Variants in ZBTB40 observed in about 807,000 individuals in gnomAD.
ZBTB40 encodes zinc finger and BTB domain-containing protein 40.
In ZBTB40, 60 loss-of-function variants were observed where a neutral mutation model predicts 117.5. The ratio of observed to expected loss-of-function variants is 0.51; its 90% CI spans 0.41 to 0.63. The LOEUF (loss-of-function observed/expected upper bound fraction) is 0.63. Among genes scored for constraint, ZBTB40 ranks in the 30% least tolerant of loss-of-function variants. The probability of loss-of-function intolerance (pLI) is 0.00; values close to 1 mark genes in which losing one functional copy is unlikely to be tolerated. For missense variants in ZBTB40, 1,287 were observed against 1,498.5 expected (o/e 0.86, Z 2.33); for synonymous variants, 525 against 577.1 (o/e 0.91, Z 1.29).
chr1:22,494,745 C>T (rs1198485761), intron 3 of ZBTB40, among the ~76,000 whole-genome samples: 5 of 152,202 alleles, frequency 3.3e-5, no homozygotes, highest in Non-Finnish European at 5.9e-5. Context: ...ATGTGCCAGA[C>T]TGAGCCGCTT....
chr1:22,455,145 A>G (rs1035296532), intron 1 of ZBTB40, among the ~76,000 whole-genome samples: 17 of 152,198 alleles, frequency 1.1e-4, no homozygotes, highest in Non-Finnish European at 2.5e-4. Context: ...GTTGGAAACT[A>G]CTTATGTTCC....
chr1:22,501,273 C>A (rs1363811817), intron 3 of ZBTB40, among the ~76,000 whole-genome samples: 1 of 152,182 alleles, frequency 6.6e-6, no homozygotes, highest in Admixed American at 6.5e-5. Flanking sequence ...AAGGTTAGAG[C>A]ATGGAGTCGT....
chr1:22,499,843 A>G (rs1235097767), intron 3 of ZBTB40, among the ~76,000 whole-genome samples: 1 of 152,224 alleles, frequency 6.6e-6, no homozygotes, highest in East Asian at 1.9e-4. Flanking sequence ...AAAATCTTAA[A>G]CATATACTTA....
intron 13 of ZBTB40, among the ~76,000 whole-genome samples, chr1:22,519,112 G>A (rs923076697): frequency 1.3e-5 from 2 of 152,196 alleles, no homozygotes; most frequent in African/African-American, 4.8e-5. Context: ...CATGTCCACA[G>A]GGAAACTAGT....
At chr1:22,497,267 G>A (rs985853030) in intron 3 of ZBTB40, among the ~76,000 whole-genome samples, 1 of 152,156 alleles carries the variant, frequency 6.6e-6, no homozygotes, top group Middle Eastern at 3.2e-3. Context: ...AGACCTAGTA[G>A]CATTTTTTTC....
chr1:22,444,862 C>A (rs1420615781), intron 1 of ZBTB40, among the ~76,000 whole-genome samples: 1 of 152,222 alleles, frequency 6.6e-6, no homozygotes, highest in Non-Finnish European at 1.5e-5. Flanking sequence ...ACTTTACTTC[C>A]TTTCCTTCCT....
intron 3 of ZBTB40, among the ~76,000 whole-genome samples, chr1:22,493,618 G>A (rs896705229): frequency 6.6e-6 from 1 of 152,046 alleles, no homozygotes; most frequent in Admixed American, 6.6e-5. Context: ...TCTTGTCCCT[G>A]TGTACTACCC....
At chr1:22,447,842 C>T (rs935008212), upstream of ZBTB40, among the ~76,000 whole-genome samples, 5 of 152,198 alleles carry the variant, frequency 3.3e-5, no homozygotes, top group Admixed American at 1.3e-4. Flanking sequence ...TGGGCAAGAG[C>T]TGAAGACTGA....
Position 22,520,201 on chromosome 1 carries a change from A to G in ZBTB40, c.2974A>G (p.Met992Val), listed in dbSNP as rs764899007. 4 of 1,614,076 alleles carry G rather than the reference A, an allele frequency of 2.5e-6. No homozygotes were observed. The highest frequency in any genetic ancestry group is 2.2e-5 in the East Asian group (1 of 44,880). The change falls in exon 14 of 18, where the codon ATG becomes GTG. Residue 992 changes from methionine (M) to valine (V), a missense_variant. By Grantham distance (21) the Met-to-Val change is conservative (BLOSUM62 1). Transcript: ENST00000375647. Reference sequence around the variant, plus strand: ...TGGGAAGATCTTCAGTGCCCCGTCCATGCTGGAGCGGCACGTGGTGACCCA... The same window carrying G: ...TGGGAAGATCTTCAGTGCCCCGTCCGTGCTGGAGCGGCACGTGGTGACCCA... ...TCGKIFSAPS[M>V]LERHVVTHVG...
At chr1:22,435,936 G>T (rs1640664430) in intron 1 of ZBTB40, among the ~76,000 whole-genome samples, 1 of 151,898 alleles carries the variant, frequency 6.6e-6, no homozygotes. Flanking sequence ...AATTAGCCGG[G>T]CATGGTGGTG....
intron 3 of ZBTB40, among the ~76,000 whole-genome samples, chr1:22,495,948 A>C (rs1638762398): frequency 6.6e-6 from 1 of 152,104 alleles, no homozygotes; most frequent in Non-Finnish European, 1.5e-5. Flanking sequence ...GTGGGTAAAA[A>C]CAAACAAATA....
At position 22,522,472 on chromosome 1, in the gene ZBTB40, C is replaced by T; in HGVS notation, c.3298+9C>T. ...CAAGTGCCAGCATTCAGGTCAGTAC[C>T]CCTGTCAGCATACTTCTAGGCTAGA... is the stretch of plus-strand genomic sequence containing the variant. On this transcript the variant is annotated intron_variant, in intron 16 of 17. Coordinates refer to ENST00000375647, the MANE Select transcript of ZBTB40 (RefSeq NM_014870.4). 1.2e-6 allele frequency: 2 copies of T among 1,613,990 alleles called. No individual in the cohort carries two copies. The highest frequency in any genetic ancestry group is 1.7e-6 in the Non-Finnish European group (2 of 1,179,884).
At chr1:22,429,245 G>A (rs1640544864) in intron 1 of ZBTB40, among the ~76,000 whole-genome samples, 1 of 152,116 alleles carries the variant, frequency 6.6e-6, no homozygotes, top group Admixed American at 6.5e-5. Context: ...AGCCGGGCGT[G>A]GTGGCGGGCG....
At chr1:22,521,700 A>C (rs375274637) in intron 15 of ZBTB40, 42 bp downstream of exon 15, 55 of 1,613,518 alleles carry the variant, frequency 3.4e-5, no homozygotes, top group Non-Finnish European at 4.7e-5. Context: ...GAGGGGCTTG[A>C]TGGTGTAGCC....
At chr1:22,517,656 A>G (rs1421286609) in intron 13 of ZBTB40, 192 bp downstream of exon 13, 1 of 682,646 alleles carries the variant, frequency 1.5e-6, no homozygotes, top group Non-Finnish European at 2.3e-6. Flanking sequence ...ATCTCATATA[A>G]CGCTTATTTC....
At chr1:22,451,467 T>C (rs1569755750), upstream of ZBTB40, among the ~76,000 whole-genome samples, 2 of 151,758 alleles carry the variant, frequency 1.3e-5, no homozygotes, top group African/African-American at 2.4e-5. Flanking sequence ...ACATCCTGTC[T>C]CTACTAAAAA....
In ZBTB40 at chr1:22,440,667, TG is replaced by T. The variant is rs1267016704; in HGVS notation, c.-70+11654del. Among the ~76,000 whole-genome samples the T allele has an allele frequency of 2.8e-3, 401 of 143,622 alleles. 2 individuals are homozygous for T. The highest frequency in any genetic ancestry group is 0.011 in the African/African-American group (396 of 37,434). 94.2% of individuals were successfully genotyped at this position (143,622 alleles called of 152,430 possible). A position where few individuals can be genotyped will look rare whatever the true frequency, so the allele number is the denominator to read the frequency against. ...TTCCTTTCATTCCTAGCTTGTTGAG[TG>T]TTTTTTTTTTAATCATGAAAGGGTG... On this transcript the variant is annotated intron_variant, in intron 1 of 8. Transcript: ENST00000650433.
At chr1:22,476,915 C>CCA (rs1157249129) in intron 1 of ZBTB40, among the ~76,000 whole-genome samples, 2 of 152,162 alleles carry the variant, frequency 1.3e-5, no homozygotes, top group Non-Finnish European at 2.9e-5. Flanking sequence ...ATGCAGTGTT[C>CCA]CACTATGCTT....
At chr1:22,495,264 A>C (rs1022557616) in intron 3 of ZBTB40, among the ~76,000 whole-genome samples, 1 of 152,218 alleles carries the variant, frequency 6.6e-6, no homozygotes, top group Non-Finnish European at 1.5e-5. Flanking sequence ...ACATGAGAAG[A>C]AGCTGGGCTA....
Sources: allele counts gnomAD v4.1 joint callset (sites outside exome capture counted in the v4.1 genomes callset), GRCh38; gene constraint gnomAD v4.1.1; transcripts MANE v1.5; gene names NCBI Gene and HGNC (gene_info 2026-07-23, HGNC 2026-07-21).